The following LRRFIP1 variants were observed in gnomAD, a reference collection of about 807,000 sequenced individuals.
LRRFIP1 encodes the protein LRR binding FLII interacting protein 1, also known as leucine-rich repeat flightless-interacting protein 1.
In LRRFIP1, 62 loss-of-function variants were observed where a neutral mutation model predicts 104.4. The observed-to-expected ratio is 0.59, with a 90% CI of 0.48 to 0.73. The LOEUF is 0.73. Ranked by LOEUF, LRRFIP1 falls within the 30% of genes least tolerant of loss-of-function variation. The probability of loss-of-function intolerance (pLI) is 0.00; values close to 1 mark genes in which losing one functional copy is unlikely to be tolerated. For missense variants in LRRFIP1, 796 were observed against 824.5 expected (o/e 0.97, Z 0.42); for synonymous variants, 300 against 299.0 (o/e 1.00, Z -0.03).
At chr2:237,709,102 TAGAG>T (rs2093955354) in intron 2 of LRRFIP1, among the ~76,000 whole-genome samples, 1 of 152,112 alleles carries the variant, frequency 6.6e-6, no homozygotes, top group Non-Finnish European at 1.5e-5. Flanking sequence ...CCGTGTGTGA[TAGAG>T]AGACGGGAAT....
chr2:237,647,851 C>G (rs2085228194), intron 1 of LRRFIP1, among the ~76,000 whole-genome samples: 1 of 152,052 alleles, frequency 6.6e-6, no homozygotes, highest in Non-Finnish European at 1.5e-5. Context: ...TCACTGCACG[C>G]AGGGTTTTGC....
intron 1 of LRRFIP1, among the ~76,000 whole-genome samples, chr2:237,686,382 A>G (rs1045494761): frequency 2.7e-4 from 41 of 152,224 alleles, no homozygotes; most frequent in African/African-American, 9.9e-4. Context: ...TGTCATTTTT[A>G]AAAGAGTTTC....
At chr2:237,777,324 T>C (rs2061173876) in intron 23 of LRRFIP1, among the ~76,000 whole-genome samples, 1 of 152,242 alleles carries the variant, frequency 6.6e-6, no homozygotes, top group South Asian at 2.1e-4. Flanking sequence ...GTCCTGCTAG[T>C]GTCTCAGACT....
At chr2:237,720,402 G>GA (rs2094497469) in intron 5 of LRRFIP1, among the ~76,000 whole-genome samples, 1 of 151,740 alleles carries the variant, frequency 6.6e-6, no homozygotes, top group African/African-American at 2.4e-5. Context: ...CACGTGCCAT[G>GA]ACACCCGGCT....
intron 11 of LRRFIP1, 117 bp downstream of exon 11, chr2:237,739,426 A>T (rs2095348775): frequency 2.2e-6 from 2 of 917,988 alleles, no homozygotes; most frequent in Non-Finnish European, 3.2e-6. Context: ...TATTATTAGG[A>T]TTACATTGCT....
chr2:237,665,941 T>G (rs2089142009), intron 1 of LRRFIP1, among the ~76,000 whole-genome samples: 1 of 152,250 alleles, frequency 6.6e-6, no homozygotes, highest in Non-Finnish European at 1.5e-5. Flanking sequence ...CAGTGATCCC[T>G]TAACCTGTGT....
intron 1 of LRRFIP1, among the ~76,000 whole-genome samples, chr2:237,631,961 C>T (rs150337822): frequency 3.5e-4 from 53 of 152,364 alleles, no homozygotes; most frequent in African/African-American, 1.3e-3. Context: ...CTGTGGCCTG[C>T]GGCCTCGGGC....
At chr2:237,723,293 A>T (rs1207688187) in intron 6 of LRRFIP1, among the ~76,000 whole-genome samples, 2 of 152,242 alleles carry the variant, frequency 1.3e-5, no homozygotes, top group African/African-American at 4.8e-5. Context: ...AAGATTTATC[A>T]AACTGTTTCA....
intron 8 of LRRFIP1, among the ~76,000 whole-genome samples, chr2:237,732,554 G>A (rs969743437): frequency 3.3e-5 from 5 of 152,218 alleles, no homozygotes; most frequent in Non-Finnish European, 4.4e-5. Flanking sequence ...TAATTGGCTT[G>A]ACTAGTTTGC....
intron 2 of LRRFIP1, 143 bp from the exon 3 acceptor site, chr2:237,714,116 C>A: frequency 1.8e-6 from 1 of 549,724 alleles, no homozygotes; most frequent in Non-Finnish European, 3.3e-6. Context: ...TCAGTGGGAC[C>A]TCACCTGTTT....
intron 1 of LRRFIP1, among the ~76,000 whole-genome samples, chr2:237,697,197 A>AT (rs1244767627): frequency 2.6e-5 from 4 of 151,840 alleles, no homozygotes; most frequent in Non-Finnish European, 5.9e-5. Flanking sequence ...TAATTTTTGT[A>AT]TTTTTAGTAG....
intron 23 of LRRFIP1, among the ~76,000 whole-genome samples, chr2:237,776,849 G>A (rs1331996378): frequency 6.6e-6 from 1 of 152,080 alleles, no homozygotes; most frequent in Admixed American, 6.6e-5. Flanking sequence ...GTTGAATCTG[G>A]AATCTGTGGA....
At chr2:237,700,852 T>G (rs2093480830) in intron 1 of LRRFIP1, among the ~76,000 whole-genome samples, 1 of 152,192 alleles carries the variant, frequency 6.6e-6, no homozygotes, top group South Asian at 2.1e-4. Flanking sequence ...CTTTCCAGGC[T>G]GCAGGGCCTT....
chr2:237,684,805 G>A (rs570664108), intron 1 of LRRFIP1, among the ~76,000 whole-genome samples: 72 of 152,138 alleles, frequency 4.7e-4, no homozygotes, highest in Admixed American at 1.2e-3. Flanking sequence ...AACAAAATTG[G>A]GCCTGGTGCG....
Position 237,733,850 on chromosome 2 carries a change from C to T in LRRFIP1, c.489+32C>T, listed in dbSNP as rs776897627. ...GTGCTGCCCACCCTGCTGCCCCGCA[C>T]CCCCTCCCACTGTGCATGCACCGCC... On this transcript the variant is annotated intron_variant, in intron 9 of 23. Coordinates refer to ENST00000308482, the MANE Select transcript of LRRFIP1 (RefSeq NM_001137550.2). 5 of 1,612,132 alleles carry T rather than the reference C, an allele frequency of 3.1e-6. No homozygotes were observed. The South Asian group carries it at 5.5e-5, about 18-fold the overall frequency.
intron 2 of LRRFIP1, among the ~76,000 whole-genome samples, chr2:237,709,855 A>AT (rs112212389): frequency 0.011 from 1,545 of 144,572 alleles, 6 homozygotes; most frequent in Middle Eastern, 0.022. Context: ...TATATGTATA[A>AT]TTTTTTTTTT....
At chr2:237,767,531 A>G (rs1318487306) in intron 19 of LRRFIP1, among the ~76,000 whole-genome samples, 1 of 152,216 alleles carries the variant, frequency 6.6e-6, no homozygotes, top group Non-Finnish European at 1.5e-5. Flanking sequence ...ATGGATTTTT[A>G]CTTATAGGTT....
In LRRFIP1 at chr2:237,747,571, G is replaced by T. The variant is rs543288981; in HGVS notation, c.634-793G>T. On this transcript the variant is annotated intron_variant, in intron 11 of 23. Transcript: ENST00000308482. ...ATCAGGATTTCTCAAGCTTCATTAT[G>T]AATTATCTCTGTGTGAGCTCACAAC... Among the ~76,000 whole-genome samples, 5 of 152,334 alleles carry T rather than the reference G, an allele frequency of 3.3e-5. No individual in the cohort carries two copies. In the South Asian group the frequency reaches 1.0e-3, roughly 32 times the overall value.
At chr2:237,630,763 C>T (rs770151097) in intron 1 of LRRFIP1, among the ~76,000 whole-genome samples, 7 of 152,230 alleles carry the variant, frequency 4.6e-5, no homozygotes, top group Non-Finnish European at 1.0e-4. Context: ...TGGCTCCGGC[C>T]TCTTTTTCCC....
Sources: gnomAD v4.1 joint callset for allele counts (sites outside exome capture counted in the v4.1 genomes callset) on GRCh38, gnomAD v4.1.1 for gene constraint, MANE v1.5 for transcripts, NCBI Gene and HGNC (gene_info 2026-07-23, HGNC 2026-07-21) for gene names.